The following MEIG1 variants were observed in gnomAD, a reference collection of about 807,000 sequenced individuals.
MEIG1 encodes meiosis expressed gene 1 protein homolog.
In MEIG1, 12 loss-of-function variants were observed where a neutral mutation model predicts 11.3. The observed-to-expected ratio is 1.07, with a 90% CI of 0.68 to 1.73. MEIG1 has a LOEUF of 1.73. Among genes scored for constraint, MEIG1 ranks in the 40% most tolerant of loss-of-function variants. The pLI, the probability that MEIG1 is intolerant of heterozygous loss-of-function variation, is 0.00. For missense variants in MEIG1, 119 were observed against 104.9 expected (o/e 1.13, Z -0.59); for synonymous variants, 41 against 33.2 (o/e 1.24, Z -0.81).
chr10:14,967,012 G>T (rs940407516), intron 2 of MEIG1, among the ~76,000 whole-genome samples: 3 of 152,120 alleles, frequency 2.0e-5, no homozygotes, highest in Admixed American at 1.3e-4. Context: ...AGGATTACAG[G>T]CAATAGCCAG....
chr10:14,979,870 A>G (rs1003957957), intron 1 of MEIG1, among the ~76,000 whole-genome samples: 13 of 152,072 alleles, frequency 8.5e-5, no homozygotes, highest in Non-Finnish European at 2.9e-5. Context: ...ACACTGTGAT[A>G]CTATTCGTTA....
chr10:14,966,889 A>G lies in MEIG1; in HGVS notation c.138+283A>G, dbSNP rs45626937. Among the ~76,000 whole-genome samples the G allele has an allele frequency of 2.1e-3, 323 of 152,148 alleles. 1 individual carries two copies. Among genetic ancestry groups the G allele is most frequent in the Non-Finnish European group, 3.3e-3 (225 of 68,012 alleles). ...GCTGGGATCACAGGCGTGCACCACC[A>G]CGCCTGGCTAATTTTTGTATTTTTG... is the stretch of plus-strand genomic sequence containing the variant. On this transcript the variant is annotated intron_variant, in intron 2 of 2. Coordinates refer to ENST00000407572, the MANE Select transcript of MEIG1 (RefSeq NM_001080836.3).
intron 1 of MEIG1, among the ~76,000 whole-genome samples, chr10:14,985,570 T>A (rs1843310686): frequency 2.0e-5 from 3 of 151,130 alleles, no homozygotes; most frequent in Admixed American, 2.0e-4. Flanking sequence ...GGGCATGATC[T>A]CCCTAATGTC....
At chr10:14,986,776 A>G in intron 1 of MEIG1, 2 of 342,398 alleles carry the variant, frequency 5.8e-6, no homozygotes. Flanking sequence ...AGCCTGACTA[A>G]TAGTTTGTTT....
upstream of MEIG1, among the ~76,000 whole-genome samples, chr10:14,957,052 C>CA (rs1300310412): frequency 3.3e-5 from 5 of 152,090 alleles, no homozygotes; most frequent in Non-Finnish European, 7.4e-5. Context: ...GACCCTGTCT[C>CA]AAAAAAATAA....
chr10:14,978,921 A>G (rs1843237836), intron 1 of MEIG1, among the ~76,000 whole-genome samples: 1 of 152,004 alleles, frequency 6.6e-6, no homozygotes, highest in Non-Finnish European at 1.5e-5. Context: ...AATGTTACTC[A>G]TAAATCACAG....
downstream of MEIG1, among the ~76,000 whole-genome samples, chr10:14,974,881 G>A (rs957714985): frequency 6.6e-6 from 1 of 151,738 alleles, no homozygotes; most frequent in Non-Finnish European, 1.5e-5. Context: ...TATCAATATT[G>A]GTAATAGATA....
upstream of MEIG1, chr10:14,954,554 C>T (rs1842885926): frequency 4.8e-6 from 1 of 208,820 alleles, no homozygotes; most frequent in African/African-American, 2.3e-5. Context: ...TTGTATCTGA[C>T]TCATGGTAGA....
intron 1 of MEIG1, chr10:14,986,730 C>T: frequency 3.2e-6 from 1 of 310,950 alleles, no homozygotes; most frequent in South Asian, 2.9e-5. Context: ...GGGCCTCGGC[C>T]CTGCGAATAG....
chr10:14,955,966 G>C (rs1316171503), upstream of MEIG1, among the ~76,000 whole-genome samples: 1 of 152,202 alleles, frequency 6.6e-6, no homozygotes, highest in Non-Finnish European at 1.5e-5. Flanking sequence ...AACAAATTCT[G>C]CTGTGAGTCT....
At chr10:14,972,462 T>A in intron 2 of MEIG1, 51 bp from the exon 3 acceptor site, 1 of 1,611,126 alleles carries the variant, frequency 6.2e-7, no homozygotes, top group Non-Finnish European at 8.5e-7. Context: ...AAATATGAGA[T>A]AAAAATCAAC....
chr10:14,970,367 G>A (rs1201825356), intron 2 of MEIG1: 2 of 152,246 alleles, frequency 1.3e-5, no homozygotes, highest in Non-Finnish European at 2.9e-5. Flanking sequence ...AAGCAAAGGA[G>A]CAACTTAGCT....
At chr10:14,963,387 G>T (rs569854159) in intron 1 of MEIG1, among the ~76,000 whole-genome samples, 1 of 152,118 alleles carries the variant, frequency 6.6e-6, no homozygotes, top group Non-Finnish European at 1.5e-5. Context: ...GAGCCACCAC[G>T]CCCAGCCTAA....
At chr10:14,978,171 C>A (rs190870834) in intron 1 of MEIG1, among the ~76,000 whole-genome samples, 1 of 151,948 alleles carries the variant, frequency 6.6e-6, no homozygotes, top group East Asian at 1.9e-4. Flanking sequence ...ATACCACTCG[C>A]AATATCCACA....
At chr10:14,978,106 C>A (rs1305120698) in intron 1 of MEIG1, among the ~76,000 whole-genome samples, 1 of 151,754 alleles carries the variant, frequency 6.6e-6, no homozygotes, top group Non-Finnish European at 1.5e-5. Context: ...GAGGTTACTC[C>A]TAATATCACA....
intron 2 of MEIG1, among the ~76,000 whole-genome samples, chr10:14,969,899 C>T (rs1221948420): frequency 6.6e-6 from 1 of 152,186 alleles, no homozygotes; most frequent in African/African-American, 2.4e-5. Flanking sequence ...TTAATCTCAT[C>T]ATCTTAGATT....
At chr10:14,982,107 C>A (rs950960981) in intron 1 of MEIG1, among the ~76,000 whole-genome samples, 15 of 152,148 alleles carry the variant, frequency 9.9e-5, no homozygotes, top group African/African-American at 3.6e-4. Context: ...TCAGGGTTAT[C>A]GGGATCGAGG....
downstream of MEIG1, among the ~76,000 whole-genome samples, chr10:14,973,274 G>A (rs1843172772): frequency 6.6e-6 from 1 of 152,154 alleles, no homozygotes. Context: ...GATAGTCTTA[G>A]TGCTCCACCT....
At chr10:14,980,390 C>T (rs1209626874) in intron 1 of MEIG1, among the ~76,000 whole-genome samples, 1 of 152,050 alleles carries the variant, frequency 6.6e-6, no homozygotes, top group East Asian at 1.9e-4. Context: ...TAATCGTTTC[C>T]AGGGATGTTA....
Sources: allele counts gnomAD v4.1 joint callset (sites outside exome capture counted in the v4.1 genomes callset), GRCh38; gene constraint gnomAD v4.1.1; transcripts MANE v1.5; gene names NCBI Gene and HGNC (gene_info 2026-07-23, HGNC 2026-07-21).